Variants in ARFGEF1 observed in about 807,000 individuals in gnomAD.
The protein encoded by ARFGEF1 is brefeldin A-inhibited guanine nucleotide-exchange protein 1.
In ARFGEF1, 42 loss-of-function variants were observed where a neutral mutation model predicts 231.0. That is an observed-to-expected ratio of 0.18 (90% CI 0.14 to 0.24). The LOEUF is 0.24. Ranked by LOEUF, ARFGEF1 falls within the 10% of genes least tolerant of loss-of-function variation. The pLI is 1.00. For missense variants in ARFGEF1, 1,345 were observed against 2,192.0 expected, an observed-to-expected ratio of 0.61 and a Z score of 7.72; for synonymous variants, 710 against 732.3, an observed-to-expected ratio of 0.97 and a Z score of 0.49.
intron 1 of ARFGEF1, among the ~76,000 whole-genome samples, chr8:67,313,250 C>CTTAAGAATTAA (rs1368193772): frequency 6.6e-6 from 1 of 152,144 alleles, no homozygotes; most frequent in Non-Finnish European, 1.5e-5. Flanking sequence ...CCCTGATTAG[C>CTTAAGAATTAA]TTAAGAATTA....
intron 1 of ARFGEF1, among the ~76,000 whole-genome samples, chr8:67,332,591 T>G (rs142821490): frequency 3.3e-5 from 5 of 152,344 alleles, no homozygotes; most frequent in East Asian, 1.9e-4. Context: ...ACCCTGGAGA[T>G]TCACTGAAAT....
intron 5 of ARFGEF1, chr8:67,177,703 G>A (rs780536145): frequency 6.2e-7 from 1 of 1,612,110 alleles, no homozygotes; most frequent in Admixed American, 1.7e-5. Context: ...CATCCCAAGT[G>A]CTAAAGTACG....
chr8:67,278,301 A>G (rs1302070955), intron 7 of ARFGEF1, among the ~76,000 whole-genome samples: 1 of 152,208 alleles, frequency 6.6e-6, no homozygotes, highest in Admixed American at 6.5e-5. Flanking sequence ...AAATTATTTC[A>G]TATTTCTTTG....
intron 1 of ARFGEF1, among the ~76,000 whole-genome samples, chr8:67,325,038 C>T (rs193037497): frequency 3.3e-5 from 5 of 152,006 alleles, no homozygotes; most frequent in East Asian, 1.9e-4. Context: ...CTCAGCCTCC[C>T]GAACAGCTGG....
At position 67,232,962 on chromosome 8, in the gene ARFGEF1, A is replaced by G. The variant is rs747880135; in HGVS notation, c.3290-17T>C. Reference sequence around the variant, plus strand: ...TTCCTCCAACTACCACACATAAAAAAAAGTCATTTCAGTTTGAAAATAATT... The same window carrying G: ...TTCCTCCAACTACCACACATAAAAAGAAGTCATTTCAGTTTGAAAATAATT... On this transcript the variant is annotated splice_polypyrimidine_tract_variant and intron_variant, in intron 22 of 38. Transcript: ENST00000262215. 6.3e-7 allele frequency: 1 copy of G among 1,585,930 alleles called. No individual in the cohort carries two copies. The highest frequency in any genetic ancestry group is 1.1e-5 in the South Asian group (1 of 88,418).
At chr8:67,287,926 G>C in intron 7 of ARFGEF1, 29 bp downstream of exon 7, 1 of 1,470,354 alleles carries the variant, frequency 6.8e-7, no homozygotes. Context: ...CATAGACAGA[G>C]TAAAATAATT....
intron 1 of ARFGEF1, among the ~76,000 whole-genome samples, chr8:67,338,171 A>G (rs780295433): frequency 6.6e-6 from 1 of 152,160 alleles, no homozygotes; most frequent in Admixed American, 6.5e-5. Context: ...TCTGATCTCG[A>G]TATTTCTACT....
intron 19 of ARFGEF1, among the ~76,000 whole-genome samples, chr8:67,243,357 G>A (rs897254452): frequency 6.6e-6 from 1 of 152,212 alleles, no homozygotes; most frequent in African/African-American, 2.4e-5. Context: ...CAATCATAGT[G>A]GAAGGCAAGG....
chr8:67,298,026 G>A (rs987063072), intron 4 of ARFGEF1, among the ~76,000 whole-genome samples: 2 of 151,830 alleles, frequency 1.3e-5, no homozygotes, highest in Admixed American at 1.3e-4. Flanking sequence ...GGCTGGTCTC[G>A]AACTTCTGGG....
chr8:67,266,986 T>C lies in ARFGEF1; in HGVS notation c.1813-2A>G. ...ACCTTTTTTCCTCAGGCTCAATTCC[T>C]ACAAAGTAATTCAAAAACAAAATTT... is the stretch of plus-strand genomic sequence containing the variant. On this transcript the variant is annotated splice_acceptor_variant, in intron 12 of 38. Coordinates refer to ENST00000262215, the MANE Select transcript of ARFGEF1 (RefSeq NM_006421.5). LOFTEE classifies it high-confidence loss of function. 1 of 1,611,850 alleles carries C rather than the reference T, an allele frequency of 6.2e-7. No homozygotes were observed. Among genetic ancestry groups the C allele is most frequent in the Non-Finnish European group, 8.5e-7 (1 of 1,179,278 alleles).
At chr8:67,320,094 GTGCCTATAATCCCAGCTACT>G (rs1807510518) in intron 1 of ARFGEF1, among the ~76,000 whole-genome samples, 1 of 151,584 alleles carries the variant, frequency 6.6e-6, no homozygotes, top group Admixed American at 6.6e-5. Flanking sequence ...GGTGTGGCCG[GTGCCTATAATCCCAGCTACT>G]TGGGAGGCTG....
chr8:67,261,946 T>A (rs187490873), intron 14 of ARFGEF1, among the ~76,000 whole-genome samples: 1 of 151,148 alleles, frequency 6.6e-6, no homozygotes, highest in African/African-American at 2.4e-5. Flanking sequence ...TAAGCTACCA[T>A]GCCAGGCTAA....
chr8:67,334,884 A>C (rs1368851734), intron 1 of ARFGEF1, among the ~76,000 whole-genome samples: 4 of 152,212 alleles, frequency 2.6e-5, no homozygotes, highest in Non-Finnish European at 2.9e-5. Context: ...GAATGCCAGA[A>C]GCTAGGGATG....
chr8:67,331,897 T>C (rs1808117114), intron 1 of ARFGEF1, among the ~76,000 whole-genome samples: 1 of 152,184 alleles, frequency 6.6e-6, no homozygotes, highest in Non-Finnish European at 1.5e-5. Flanking sequence ...GGAACAGTCA[T>C]GAATGACCAC....
At chr8:67,288,440 G>C (rs757203089) in intron 6 of ARFGEF1, among the ~76,000 whole-genome samples, 2 of 150,148 alleles carry the variant, frequency 1.3e-5, no homozygotes, top group Non-Finnish European at 2.9e-5. Flanking sequence ...CAAATATACT[G>C]AATGTAAGTA....
chr8:67,284,451 A>G (rs1805666218), intron 7 of ARFGEF1, among the ~76,000 whole-genome samples: 1 of 152,180 alleles, frequency 6.6e-6, no homozygotes, highest in Non-Finnish European at 1.5e-5. Flanking sequence ...AATCATGTAA[A>G]TATTCTTCAT....
At chr8:67,250,251 C>A (rs74634992) in intron 19 of ARFGEF1, among the ~76,000 whole-genome samples, 1 of 151,988 alleles carries the variant, frequency 6.6e-6, no homozygotes, top group Non-Finnish European at 1.5e-5. Flanking sequence ...TCTCTATAAA[C>A]GGGTAAGAGG....
At chr8:67,195,586 A>G (rs765253659), downstream of ARFGEF1, 4 of 1,613,976 alleles carry the variant, frequency 2.5e-6, no homozygotes, top group East Asian at 2.2e-5. Flanking sequence ...TCGACTGCAC[A>G]TGGTTAAAAT....
chr8:67,298,822 G>A (rs1183209969), intron 4 of ARFGEF1, among the ~76,000 whole-genome samples: 1 of 152,170 alleles, frequency 6.6e-6, no homozygotes, highest in African/African-American at 2.4e-5. Context: ...CTGGAGCACA[G>A]TGGCATGGTC....
Sources: gnomAD v4.1 joint callset for allele counts (sites outside exome capture counted in the v4.1 genomes callset) on GRCh38, gnomAD v4.1.1 for gene constraint, MANE v1.5 for transcripts, NCBI Gene and HGNC (gene_info 2026-07-23, HGNC 2026-07-21) for gene names.